Variants in TPTE observed in about 807,000 individuals in gnomAD.
The protein encoded by TPTE is putative tyrosine-protein phosphatase TPTE.
In TPTE, 59 loss-of-function variants were observed where a neutral mutation model predicts 84.1. The observed-to-expected ratio is 0.70, with a 90% CI of 0.57 to 0.87. TPTE has a LOEUF of 0.87. Among genes scored for constraint, TPTE ranks in the 40% least tolerant of loss-of-function variants. The pLI, the probability that TPTE is intolerant of heterozygous loss-of-function variation, is 0.00. For synonymous variants in TPTE, 130 were observed against 223.5 expected (o/e 0.58, Z 3.73); for missense variants, 382 against 659.6 (o/e 0.58, Z 4.61).
intron 7 of TPTE, among the ~76,000 whole-genome samples, chr21:10,552,119 T>A (rs1418667141): frequency 6.6e-6 from 1 of 152,308 alleles, no homozygotes; most frequent in Non-Finnish European, 1.5e-5. Flanking sequence ...CAAAAGGTGA[T>A]CATTAGCATT....
chr21:10,568,502 G>C (rs1468439848), intron 11 of TPTE, among the ~76,000 whole-genome samples: 1 of 152,310 alleles, frequency 6.6e-6, no homozygotes, highest in Non-Finnish European at 1.5e-5. Context: ...AAATGAAAGA[G>C]CAAATGTATA....
chr21:10,540,206 G>A (rs1198677583), intron 4 of TPTE, among the ~76,000 whole-genome samples: 2 of 152,308 alleles, frequency 1.3e-5, no homozygotes, highest in Non-Finnish European at 2.9e-5. Flanking sequence ...GTGATACCAA[G>A]GAATACAGTT....
At chr21:10,563,140 T>C (rs2074842786) in intron 10 of TPTE, among the ~76,000 whole-genome samples, 3 of 152,306 alleles carry the variant, frequency 2.0e-5, no homozygotes, top group African/African-American at 4.8e-5. Context: ...ACATTTACCC[T>C]AGAACAGTGT....
intron 10 of TPTE, among the ~76,000 whole-genome samples, chr21:10,563,789 C>CT (rs2074856822): frequency 6.6e-6 from 1 of 152,428 alleles, no homozygotes; most frequent in African/African-American, 2.4e-5. Context: ...TAAGTCCTTA[C>CT]TTATCAGTAA....
chr21:10,605,143 A>G (rs1284230134), intron 23 of TPTE, among the ~76,000 whole-genome samples: 2 of 152,310 alleles, frequency 1.3e-5, no homozygotes, highest in Non-Finnish European at 2.9e-5. Context: ...ACAGAGAGAA[A>G]TTTAGATATT....
chr21:10,589,353 A>AGCTGGCTGTTGCCAGTGCT (rs2075422841), intron 17 of TPTE, among the ~76,000 whole-genome samples: 6 of 152,298 alleles, frequency 3.9e-5, no homozygotes, highest in African/African-American at 1.4e-4. Flanking sequence ...CATGGGTAAG[A>AGCTGGCTGTTGCCAGTGCT]GCTGGCTGTT....
intron 8 of TPTE, among the ~76,000 whole-genome samples, chr21:10,554,436 C>T (rs2074639101): frequency 6.6e-6 from 1 of 152,310 alleles, no homozygotes; most frequent in African/African-American, 2.4e-5. Context: ...GTGTACATTT[C>T]TCCCCTCCCA....
intron 11 of TPTE, 87 bp from the exon 12 acceptor site, chr21:10,569,350 T>C: frequency 6.6e-7 from 1 of 1,508,598 alleles, no homozygotes; most frequent in Non-Finnish European, 8.9e-7. Flanking sequence ...AAATTGCCTC[T>C]GGTTAACAAC....
chr21:10,582,479 A>G (rs1395404184), intron 17 of TPTE, among the ~76,000 whole-genome samples: 1 of 152,310 alleles, frequency 6.6e-6, no homozygotes, highest in Non-Finnish European at 1.5e-5. Context: ...GAAGTGCCAT[A>G]ATAAAACACT....
chr21:10,587,891 C>G (rs891720223), intron 17 of TPTE, among the ~76,000 whole-genome samples: 1 of 152,310 alleles, frequency 6.6e-6, no homozygotes, highest in African/African-American at 2.4e-5. Context: ...GCTCTGTCAC[C>G]CAGGCTGGAA....
At chr21:10,522,524 C>G (rs1401701970) in intron 1 of TPTE, among the ~76,000 whole-genome samples, 4 of 152,308 alleles carry the variant, frequency 2.6e-5, no homozygotes, top group Admixed American at 6.5e-5. Flanking sequence ...TGGAAACGGT[C>G]AAAACAATGC....
intron 14 of TPTE, among the ~76,000 whole-genome samples, chr21:10,574,805 C>G (rs1188529991): frequency 1.3e-3 from 205 of 152,132 alleles, no homozygotes; most frequent in African/African-American, 4.8e-3. Flanking sequence ...AAGAGATCCC[C>G]TTGTGAGCCC....
rs541360801 is a variant in TPTE at position 10,555,302 on chromosome 21, G to T, written c.233+2586G>T. The stretch of plus-strand genomic sequence containing the variant: ...GCTCACTGCAACCTCCACTTCCCAG[G>T]TTCAAGCGATTCTCCTGCCTCAGCC... On this transcript the variant is annotated intron_variant, in intron 8 of 23. Coordinates refer to ENST00000618007, the MANE Select transcript of TPTE (RefSeq NM_199261.4). Among the ~76,000 whole-genome samples the T allele has an allele frequency of 7.2e-5, 11 of 152,424 alleles. No homozygotes were observed. The South Asian group carries it at 2.1e-3, about 29-fold the overall frequency.
chr21:10,547,237 G>A lies in TPTE; in HGVS notation c.173+3855G>A, dbSNP rs538110960. Among the ~76,000 whole-genome samples, 10 of 151,978 alleles carry A rather than the reference G, an allele frequency of 6.6e-5. No individual in the cohort carries two copies. The South Asian group carries it at 1.4e-3, about 22-fold the overall frequency. Reference sequence around the variant, plus strand: ...CATCTCCCCTACAAGAAAGAACCGAGGCAAGAAATACACATCTGAGATTTG... The same window carrying A: ...CATCTCCCCTACAAGAAAGAACCGAAGCAAGAAATACACATCTGAGATTTG... On this transcript the variant is annotated intron_variant, in intron 7 of 23. Coordinates refer to ENST00000618007, the MANE Select transcript of TPTE (RefSeq NM_199261.4).
intron 19 of TPTE, 107 bp downstream of exon 19, chr21:10,592,480 A>T: frequency 6.9e-7 from 1 of 1,444,086 alleles, no homozygotes; most frequent in South Asian, 1.2e-5. Flanking sequence ...ATCAGGCAGC[A>T]GCAGTTGGGT....
At position 10,563,898 on chromosome 21, in the gene TPTE, G is replaced by A. The variant is rs925375126; in HGVS notation, c.446+2707G>A. Among the ~76,000 whole-genome samples, 5 of 152,424 alleles carry A rather than the reference G, an allele frequency of 3.3e-5. No homozygotes were observed. The South Asian group carries it at 1.0e-3, about 32-fold the overall frequency. On this transcript the variant is annotated intron_variant, in intron 10 of 23. Transcript: ENST00000618007. ...CATCCAGGTGTGGTGGCTCACGCCT[G>A]TAATCCCAGCAGTTTGGGAGGCCAA...
chr21:10,551,684 A>T (rs1228100844), intron 7 of TPTE, among the ~76,000 whole-genome samples: 4 of 152,280 alleles, frequency 2.6e-5, no homozygotes, highest in Non-Finnish European at 5.9e-5. Context: ...ATTAAGAAAA[A>T]GGGAAGACCC....
intron 2 of TPTE, among the ~76,000 whole-genome samples, chr21:10,526,380 G>A (rs1196144672): frequency 1.3e-5 from 2 of 152,430 alleles, no homozygotes; most frequent in Middle Eastern, 3.4e-3. Flanking sequence ...TCCAAAATTA[G>A]TTTGTGTAGG....
chr21:10,552,991 T>C (rs1183091861), intron 8 of TPTE, among the ~76,000 whole-genome samples: 2 of 152,286 alleles, frequency 1.3e-5, no homozygotes, highest in African/African-American at 4.8e-5. Context: ...AAGTTTTTTT[T>C]AAAAAAACAG....
Sources: allele counts gnomAD v4.1 joint callset (sites outside exome capture counted in the v4.1 genomes callset), GRCh38; gene constraint gnomAD v4.1.1; transcripts MANE v1.5; gene names NCBI Gene and HGNC (gene_info 2026-07-23, HGNC 2026-07-21).